Variants in CAPRIN2 observed in about 807,000 individuals in gnomAD.
CAPRIN2 encodes caprin-2.
A neutral mutation model predicts 130.4 loss-of-function variants in CAPRIN2; 66 were observed. That is an observed-to-expected ratio of 0.51 (90% CI 0.42 to 0.62). The LOEUF (loss-of-function observed/expected upper bound fraction) is 0.62, where lower values mean the gene tolerates loss of function less well. Among genes scored for constraint, CAPRIN2 ranks in the 20% least tolerant of loss-of-function variants. The pLI is 0.00. For synonymous variants in CAPRIN2, 471 were observed against 444.1 expected (o/e 1.06, Z -0.76); for missense variants, 1,185 against 1,246.6 (o/e 0.95, Z 0.74).
At chr12:30,711,978 A>T (rs1418415237) in intron 15 of CAPRIN2, among the ~76,000 whole-genome samples, 2 of 152,208 alleles carry the variant, frequency 1.3e-5, no homozygotes, top group Non-Finnish European at 2.9e-5. Flanking sequence ...ATAAAAGGAC[A>T]TCATAAAGCA....
chr12:30,730,292 TA>T lies in CAPRIN2; in HGVS notation c.1061-11del. On this transcript the variant is annotated splice_polypyrimidine_tract_variant and intron_variant, in intron 6 of 16. Transcript: ENST00000298892. ...AATTCCATTAGAGACTCTGGGATGA[TA>T]AAAAGAATCTGAATAAATACTAGGT... The T allele has an allele frequency of 6.3e-7, 1 of 1,599,220 alleles. No homozygotes were observed. Among genetic ancestry groups the T allele is most frequent in the Non-Finnish European group, 8.6e-7 (1 of 1,166,678 alleles).
At chr12:30,746,173 G>A (rs2070199684) in intron 2 of CAPRIN2, among the ~76,000 whole-genome samples, 1 of 152,208 alleles carries the variant, frequency 6.6e-6, no homozygotes, top group Non-Finnish European at 1.5e-5. Context: ...ATGGAGCACA[G>A]AGAATTTTTA....
intron 1 of CAPRIN2, 72 bp from the exon 3 acceptor site, chr12:30,751,205 C>A: frequency 8.2e-7 from 1 of 1,220,404 alleles, no homozygotes. Context: ...AATGCCAGAT[C>A]TTGTCTCTAG....
Position 30,710,228 on chromosome 12 carries a change from C to G in CAPRIN2, c.2908G>C (p.Asp970His). The stretch of plus-strand genomic sequence containing the variant: ...TCTCCTAAGTTGTTCAGAAGAAGAT[C>G]AAACACAATAGGTTGGTCTAAAGTT... Residue 970 changes from aspartate (D) to histidine (H), a missense_variant, in exon 17 of 17, where the codon GAT (aspartate) becomes CAT (histidine). This residue lies in a region of CAPRIN2 where 81 missense variants were observed against 142.2 expected (regional missense o/e 0.57). Coordinates refer to ENST00000298892, the Ensembl canonical transcript of CAPRIN2. This position sits in a 1 kb window ranked among gnomAD's most constrained non-coding sequence, Gnocchi z 4.8. 1.2e-6 allele frequency: 2 copies of G among 1,614,178 alleles called. No homozygotes were observed. The highest frequency in any genetic ancestry group is 1.7e-6 in the Non-Finnish European group (2 of 1,180,030).
intron 7 of CAPRIN2, among the ~76,000 whole-genome samples, chr12:30,729,542 T>G (rs1313318078): frequency 2.0e-5 from 3 of 152,224 alleles, no homozygotes; most frequent in African/African-American, 4.8e-5. Flanking sequence ...AAATACAGAC[T>G]TCGATACATC....
intron 3 of CAPRIN2, 21 bp from the exon 5 acceptor site, chr12:30,735,227 T>C (rs2064189676): frequency 1.3e-6 from 2 of 1,575,374 alleles, no homozygotes; most frequent in Middle Eastern, 1.7e-4. Flanking sequence ...AAATGGCTAA[T>C]TAAGGGTAAC....
At chr12:30,748,867 G>T (rs2072142664) in intron 2 of CAPRIN2, among the ~76,000 whole-genome samples, 1 of 152,050 alleles carries the variant, frequency 6.6e-6, no homozygotes, top group Non-Finnish European at 1.5e-5. Context: ...TACGCACTAG[G>T]AATACAGCAA....
At chr12:30,750,852 T>C (rs1208674597) in intron 2 of CAPRIN2, among the ~76,000 whole-genome samples, 1 of 152,190 alleles carries the variant, frequency 6.6e-6, no homozygotes, top group Non-Finnish European at 1.5e-5. Context: ...CTGTTAACAA[T>C]CTACACCCCC....
At position 30,715,297 on chromosome 12, in the gene CAPRIN2, C is replaced by T. The variant is rs150672805; in HGVS notation, c.2318-156G>A. On this transcript the variant is annotated intron_variant, in intron 13 of 16. Coordinates refer to ENST00000298892, the Ensembl canonical transcript of CAPRIN2. The stretch of plus-strand genomic sequence containing the variant: ...ATGTATATAATTCATCTACATGACT[C>T]AAATACGTAATTCATATATATAATG... 1,926 of 657,130 alleles carry T rather than the reference C, an allele frequency of 2.9e-3. 40 individuals carry two copies. In the Admixed American group the frequency reaches 0.042, roughly 14 times the overall value. 40.7% of individuals were successfully genotyped at this position (657,130 alleles called of 1,614,324 possible).
intron 11 of CAPRIN2, among the ~76,000 whole-genome samples, chr12:30,721,688 G>A (rs1418593291): frequency 6.6e-6 from 1 of 152,162 alleles, no homozygotes; most frequent in African/African-American, 2.4e-5. Context: ...ATGCTTCTAT[G>A]TGGTTCTCAG....
In CAPRIN2 at chr12:30,745,678, A is replaced by AC. The variant is rs2069774989; in HGVS notation, c.484-4573_484-4572insG. Among the ~76,000 whole-genome samples the AC allele has an allele frequency of 2.6e-5, 4 of 152,292 alleles. No homozygotes were observed. In the South Asian group the frequency reaches 8.3e-4, roughly 32 times the overall value. On this transcript the variant is annotated intron_variant, in intron 2 of 16. Transcript: ENST00000298892. ...GAAAATTCAGTCTTCAAGAAATTTT[A>AC]GAAAATTTTCACAATTTGAAAAAGC...
At chr12:30,740,962 T>C (rs1046900923) in intron 3 of CAPRIN2, 58 bp downstream of exon 4, 4 of 1,016,872 alleles carry the variant, frequency 3.9e-6, no homozygotes, top group Non-Finnish European at 6.1e-6. Flanking sequence ...ACACTGACAT[T>C]TTCTCCAAGA....
At chr12:30,714,332 T>C (rs1403054877) in intron 14 of CAPRIN2, among the ~76,000 whole-genome samples, 1 of 152,130 alleles carries the variant, frequency 6.6e-6, no homozygotes, top group Non-Finnish European at 1.5e-5. Flanking sequence ...CAGGTGCATA[T>C]CACCATGCCC....
chr12:30,750,991 G>T, intron 2 of CAPRIN2, 80 bp downstream of exon 3: 2 of 1,005,734 alleles, frequency 2.0e-6, no homozygotes, highest in Non-Finnish European at 3.2e-6. Flanking sequence ...GTGCTATAAA[G>T]ACTGATCGCA....
intron 1 of CAPRIN2, among the ~76,000 whole-genome samples, chr12:30,752,572 T>TA (rs201247925): frequency 0.27 from 34,561 of 129,242 alleles, 4,787 homozygotes; most frequent in African/African-American, 0.32. Flanking sequence ...TTTCTTAGGT[T>TA]AAAAAAAAAA....
chr12:30,732,013 G>C (rs1241168843), intron 5 of CAPRIN2, among the ~76,000 whole-genome samples: 1 of 151,892 alleles, frequency 6.6e-6, no homozygotes, highest in Non-Finnish European at 1.5e-5. Flanking sequence ...ATTAGATTGG[G>C]TTAGAAAATC....
chr12:30,731,450 G>T, exon 6 of CAPRIN2: 1 of 1,612,864 alleles, frequency 6.2e-7, no homozygotes, highest in South Asian at 1.1e-5. Flanking sequence ...TTTGGGAACT[G>T]GGATACTTTC....
chr12:30,721,196 G>C (rs1040046628), intron 11 of CAPRIN2, among the ~76,000 whole-genome samples: 13 of 152,194 alleles, frequency 8.5e-5, no homozygotes, highest in Non-Finnish European at 1.8e-4. Flanking sequence ...TCAAACTCAA[G>C]CAGCCAGCTA....
At chr12:30,714,850 T>C (rs1322250352) in intron 14 of CAPRIN2, 109 bp downstream of exon 16, 22 of 773,186 alleles carry the variant, frequency 2.8e-5, no homozygotes, top group Non-Finnish European at 4.5e-5. Context: ...GGAAATTCTC[T>C]ACTACGTTGC....
Sources: allele counts gnomAD v4.1 joint callset (sites outside exome capture counted in the v4.1 genomes callset), GRCh38; gene constraint gnomAD v4.1.1; regional missense constraint gnomAD v4.1.1; non-coding constraint Gnocchi (gnomAD v3.1); transcripts MANE v1.5; gene names NCBI Gene and HGNC (gene_info 2026-07-23, HGNC 2026-07-21).